The following TAAR1 variants were observed in gnomAD, a reference collection of about 807,000 sequenced individuals.
TAAR1 encodes the protein trace amine-associated receptor 1.
Under a neutral mutation model 1.2 loss-of-function variants are expected in TAAR1, and 1 was observed. That is an observed-to-expected ratio of 0.81 (90% confidence interval 0.29 to 3.86). TAAR1 has a LOEUF of 3.86. TAAR1 is among the 30% of genes most tolerant of loss of function. TAAR1 has a pLI of 0.18. For synonymous variants in TAAR1, 153 were observed against 132.2 expected, an observed-to-expected ratio of 1.16 and a Z score of -1.08; for missense variants, 445 against 405.6, an observed-to-expected ratio of 1.10 and a Z score of -0.83.
intron 1 of TAAR1, among the ~76,000 whole-genome samples, chr6:132,658,256 T>C (rs1416180877): frequency 6.6e-6 from 1 of 152,094 alleles, no homozygotes; most frequent in Non-Finnish European, 1.5e-5. Flanking sequence ...GTTTAAGTCA[T>C]GGTTCTTGAG....
chr6:132,644,185 A>C lies in TAAR1; in HGVS notation c.*799T>G, dbSNP rs1777631775. The stretch of plus-strand genomic sequence containing the variant: ...GTACATCTGTGCAGTCACGTTATAC[A>C]GCCACAAAAAGGGATTACTCATAGC... On this transcript the variant is annotated 3_prime_UTR_variant, in exon 2 of 2. Transcript: ENST00000275216. Among the ~76,000 whole-genome samples the C allele has an allele frequency of 6.6e-6, 1 of 152,056 alleles. No individual in the cohort carries two copies.
At position 132,645,641 on chromosome 6, in the gene TAAR1, G is replaced by C; in HGVS notation, c.363C>G (p.Arg121=). ...IFHLSFISID[R]YYAVCDPLRY... is the part of the protein sequence containing the mutation. ...TCAGTGGATCACACACAGCATAGTAGCGGTCAATGGAGATGAAAGACAAAT... is the reference window on the plus strand; with the variant it reads ...TCAGTGGATCACACACAGCATAGTACCGGTCAATGGAGATGAAAGACAAAT... Residue 121 remains arginine (R), a synonymous_variant, in exon 2 of 2, where the codon CGC becomes CGG. Transcript: ENST00000275216. The C allele has an allele frequency of 6.2e-7, 1 of 1,613,620 alleles. No homozygotes were observed. Among genetic ancestry groups the C allele is most frequent in the Non-Finnish European group, 8.5e-7 (1 of 1,179,780 alleles).
At chr6:132,647,613 GAAAGAA>G (rs1777692271) in intron 1 of TAAR1, among the ~76,000 whole-genome samples, 1 of 111,530 alleles carries the variant, frequency 9.0e-6, no homozygotes, top group Non-Finnish European at 1.8e-5. Flanking sequence ...AAAAAAGAAA[GAAAGAA>G]AAAGGAAAGA....
At position 132,645,908 on chromosome 6, in the gene TAAR1, G is replaced by C; in HGVS notation, c.96C>G (p.Leu32=). 1.9e-6 allele frequency: 3 copies of C among 1,613,762 alleles called. No individual in the cohort carries two copies. The highest frequency in any genetic ancestry group is 2.2e-5 in the South Asian group (2 of 91,072). The change falls in exon 2 of 2, where the codon CTC becomes CTG. Residue 32 remains leucine, a synonymous_variant. Transcript: ENST00000275216. Reference sequence around the variant, plus strand: ...TGCCAACGAGTGTGGTCAGAATTATGAGCACCATTAAACTGTACAGGGAAG... The same window carrying C: ...TGCCAACGAGTGTGGTCAGAATTATCAGCACCATTAAACTGTACAGGGAAG... ...VRASLYSLMV[L]IILTTLVGNL...
At chr6:132,647,357 C>T (rs112594840) in intron 1 of TAAR1, among the ~76,000 whole-genome samples, 5 of 90,132 alleles carry the variant, frequency 5.5e-5, no homozygotes, top group South Asian at 4.9e-4. Flanking sequence ...CACACACATA[C>T]GCATGCACAC....
chr6:132,650,478 C>G (rs1390477049), intron 1 of TAAR1, among the ~76,000 whole-genome samples: 1 of 152,216 alleles, frequency 6.6e-6, no homozygotes, highest in African/African-American at 2.4e-5. Flanking sequence ...ATTACAATTG[C>G]TCAGGAATCC....
Position 132,645,246 on chromosome 6 carries a change from A to G in TAAR1, c.758T>C (p.Leu253Ser), listed in dbSNP as rs759767778. 6.2e-7 allele frequency: 1 copy of G among 1,613,620 alleles called. No individual in the cohort carries two copies. The highest frequency in any genetic ancestry group is 8.5e-7 in the Non-Finnish European group (1 of 1,179,806). Residue 253 changes from leucine (L) to serine (S), a missense_variant, in exon 2 of 2, where the codon TTG becomes TCG. Physicochemically the swap from Leu to Ser is moderately radical, Grantham distance 145. Transcript: ENST00000275216. ...TAGGAAAACTCCCATCACAATCCCC[A>G]ATGTCTTCACAGCTTTCCTTTCTTT... ...QSKERKAVKT[L>S]GIVMGVFLIC... is the part of the protein sequence containing the mutation.
At position 132,649,782 on chromosome 6, in the gene TAAR1, C is replaced by G. The variant is rs1305711951; in HGVS notation, c.-126-3653G>C. Among the ~76,000 whole-genome samples, 4 of 152,136 alleles carry G rather than the reference C, an allele frequency of 2.6e-5. No homozygotes were observed. The East Asian group carries it at 7.7e-4, about 29-fold the overall frequency. ...CATTCAATTACCTCCCACCAGGTCC[C>G]TTCCATGACACGTGGGGATTATGAG... On this transcript the variant is annotated intron_variant, in intron 1 of 1. Transcript: ENST00000275216.
chr6:132,652,394 A>G (rs959638808), intron 1 of TAAR1, among the ~76,000 whole-genome samples: 3 of 148,560 alleles, frequency 2.0e-5, no homozygotes, highest in Admixed American at 6.8e-5. Context: ...ACCTCCTCCA[A>G]CTCCCTGGTT....
intron 1 of TAAR1, among the ~76,000 whole-genome samples, chr6:132,654,414 A>C (rs1318889494): frequency 1.3e-5 from 2 of 152,214 alleles, no homozygotes; most frequent in Non-Finnish European, 2.9e-5. Flanking sequence ...TATAGCTAAC[A>C]GTCTAGAATT....
In TAAR1 at chr6:132,644,863, A is replaced by G; in HGVS notation, c.*121T>C. ...AGCATCATAATTTAACTCACCATAC[A>G]TACTTTGACTCAAGTAACTGATTTA... is the stretch of plus-strand genomic sequence containing the variant. On this transcript the variant is annotated 3_prime_UTR_variant, in exon 2 of 2. Transcript: ENST00000275216. The G allele has an allele frequency of 1.3e-6, 1 of 775,536 alleles. No individual in the cohort carries two copies. The highest frequency in any genetic ancestry group is 2.0e-6 in the Non-Finnish European group (1 of 497,670). 48.0% of individuals were successfully genotyped at this position (775,536 alleles called of 1,614,324 possible). A position where few individuals can be genotyped will look rare whatever the true frequency, so the allele number is the denominator to read the frequency against.
At position 132,644,182 on chromosome 6, in the gene TAAR1, T is replaced by TA. The variant is rs1274553218; in HGVS notation, c.*801dup. Among the ~76,000 whole-genome samples, 3 of 152,022 alleles carry TA rather than the reference T, an allele frequency of 2.0e-5. No individual in the cohort carries two copies. Among genetic ancestry groups the TA allele is most frequent in the African/African-American group, 7.2e-5 (3 of 41,434 alleles). ...TTTGTACATCTGTGCAGTCACGTTATACAGCCACAAAAAGGGATTACTCAT... is the reference window on the plus strand; with the variant it reads ...TTTGTACATCTGTGCAGTCACGTTATAACAGCCACAAAAAGGGATTACTCAT... On this transcript the variant is annotated 3_prime_UTR_variant, in exon 2 of 2. Transcript: ENST00000275216.
At position 132,659,123 on chromosome 6, in the gene TAAR1, GACCCAC is replaced by G. The variant is rs1353204792; in HGVS notation, c.-127+1_-127+6del. On this transcript the variant is annotated splice_donor_variant and splice_donor_5th_base_variant and intron_variant, in intron 1 of 1. Coordinates refer to ENST00000275216, the MANE Select transcript of TAAR1 (RefSeq NM_138327.4). LOFTEE classifies it low-confidence loss of function (5UTR_SPLICE). ...TTGGTTTGGCTGTTCAGCAAATTCA[GACCCAC>G]CTGCTCAGGTAAGAGTGAACACAGT... 6.6e-6 allele frequency among the ~76,000 whole-genome samples: 1 copy of G among 152,116 alleles called. No individual in the cohort carries two copies. The highest frequency in any genetic ancestry group is 1.5e-5 in the Non-Finnish European group (1 of 68,022).
At position 132,645,194 on chromosome 6, in the gene TAAR1, A is replaced by T. The variant is rs1362158786; in HGVS notation, c.810T>A (p.Cys270Ter). Reference sequence around the variant, plus strand: ...AGTGAAGAAAAGGGTCCATGACTGTACAGATAAAGAAAGGGCACCAGCATA... The same window carrying T: ...AGTGAAGAAAAGGGTCCATGACTGTTCAGATAAAGAAAGGGCACCAGCATA... ...FLICWCPFFI[C>*]TVMDPFLHYI... The change falls in exon 2 of 2, where the codon TGT becomes TGA. Residue 270 changes from cysteine (C) to a stop codon, truncating the protein, a stop_gained. Transcript: ENST00000275216. LOFTEE classifies it high-confidence loss of function. 1 of 1,613,318 alleles carries T rather than the reference A, an allele frequency of 6.2e-7. No individual in the cohort carries two copies. Among genetic ancestry groups the T allele is most frequent in the East Asian group, 2.2e-5 (1 of 44,860 alleles).
At chr6:132,651,252 T>C (rs537692430) in intron 1 of TAAR1, among the ~76,000 whole-genome samples, 1 of 152,312 alleles carries the variant, frequency 6.6e-6, no homozygotes, top group East Asian at 1.9e-4. Context: ...CTCAGTTCCC[T>C]TTCCTATTCA....
In TAAR1 at chr6:132,643,890, G is replaced by T. The variant is rs949984410; in HGVS notation, c.*1094C>A. 2.6e-5 allele frequency among the ~76,000 whole-genome samples: 4 copies of T among 151,812 alleles called. No individual in the cohort carries two copies. The highest frequency in any genetic ancestry group is 5.9e-5 in the Non-Finnish European group (4 of 67,910). Reference sequence around the variant, plus strand: ...TACATCTAGTCTGATTATACTTCTTGTTGGCCCTCATGTTTAGCTACTTTG... The same window carrying T: ...TACATCTAGTCTGATTATACTTCTTTTTGGCCCTCATGTTTAGCTACTTTG... On this transcript the variant is annotated 3_prime_UTR_variant, in exon 2 of 2. Transcript: ENST00000275216.
At chr6:132,653,820 AC>A (rs893956429) in intron 1 of TAAR1, among the ~76,000 whole-genome samples, 1 of 152,132 alleles carries the variant, frequency 6.6e-6, no homozygotes. Context: ...TCACACTCAA[AC>A]CTTTGGTAAA....
In TAAR1 at chr6:132,645,550, C is replaced by T; in HGVS notation, c.454G>A (p.Ala152Thr). The T allele has an allele frequency of 1.2e-6, 2 of 1,613,618 alleles. No homozygotes were observed. The highest frequency in any genetic ancestry group is 1.7e-6 in the Non-Finnish European group (2 of 1,179,790). ...VMIFISWSVP[A>T]VFAFGMIFLE... is the part of the protein sequence containing the mutation. ...AAGATCATTCCAAATGCAAAAACAG[C>T]AGGGACACTCCAACTAATGAAGATC... Residue 152 changes from alanine (A) to threonine (T), a missense_variant, in exon 2 of 2, where the codon GCT becomes ACT. Transcript: ENST00000275216.
chr6:132,653,059 C>A (rs1159509641), intron 1 of TAAR1, among the ~76,000 whole-genome samples: 1 of 152,084 alleles, frequency 6.6e-6, no homozygotes, highest in Admixed American at 6.6e-5. Flanking sequence ...GGGGAGGCGG[C>A]AGTTGTGCAG....
Sources: allele counts gnomAD v4.1 joint callset (sites outside exome capture counted in the v4.1 genomes callset), GRCh38; gene constraint gnomAD v4.1.1; transcripts MANE v1.5; gene names NCBI Gene and HGNC (gene_info 2026-07-23, HGNC 2026-07-21).